The following SYN3 variants were observed in gnomAD, a reference collection of about 807,000 sequenced individuals.
The protein encoded by SYN3 is synapsin-3.
Under a neutral mutation model 65.8 loss-of-function variants are expected in SYN3, and 35 were observed. That is an observed-to-expected ratio of 0.53 (90% CI 0.41 to 0.70). The LOEUF is 0.70. Among genes scored for constraint, SYN3 ranks in the 30% least tolerant of loss-of-function variants. The pLI, the probability that SYN3 is intolerant of heterozygous loss-of-function variation, is 0.00. For missense variants in SYN3, 680 were observed against 749.0 expected, an observed-to-expected ratio of 0.91 and a Z score of 1.08; for synonymous variants, 270 against 292.9, an observed-to-expected ratio of 0.92 and a Z score of 0.80.
intron 6 of SYN3, among the ~76,000 whole-genome samples, chr22:32,778,581 C>G (rs9621561): frequency 0.036 from 5,444 of 152,198 alleles, 328 homozygotes; most frequent in African/African-American, 0.12. Context: ...TGTGAGCCAC[C>G]GCACCCGGCC....
At chr22:32,941,760 C>T (rs1005708124) in intron 3 of SYN3, among the ~76,000 whole-genome samples, 3 of 152,240 alleles carry the variant, frequency 2.0e-5, no homozygotes, top group Non-Finnish European at 4.4e-5. Flanking sequence ...TAATACTGTG[C>T]TTTTCCGAGG....
intron 4 of SYN3, among the ~76,000 whole-genome samples, chr22:32,872,394 T>C (rs1365115705): frequency 6.6e-6 from 1 of 152,190 alleles, no homozygotes; most frequent in Non-Finnish European, 1.5e-5. Flanking sequence ...ATAGACATAG[T>C]AGCCAGGAGA....
intron 6 of SYN3, among the ~76,000 whole-genome samples, chr22:32,816,233 G>A (rs1042985670): frequency 2.0e-5 from 3 of 152,136 alleles, no homozygotes; most frequent in African/African-American, 7.2e-5. Flanking sequence ...GAGGCCAGAG[G>A]ATTAACACTC....
At position 32,942,954 on chromosome 22, in the gene SYN3, C is replaced by A. The variant is rs188421216; in HGVS notation, c.370-11473G>T. ...AGAAATATGGGACTATGTGAAAAAA[C>A]CAAATCTACGTCTGACTGGTGTACC... On this transcript the variant is annotated intron_variant, in intron 3 of 13. Coordinates refer to ENST00000358763, the MANE Select transcript of SYN3 (RefSeq NM_003490.4). 3.9e-3 allele frequency among the ~76,000 whole-genome samples: 596 copies of A among 152,150 alleles called. 3 individuals carry two copies. The highest frequency in any genetic ancestry group is 0.014 in the African/African-American group (570 of 41,498).
intron 4 of SYN3, among the ~76,000 whole-genome samples, chr22:32,893,923 C>T (rs943111665): frequency 6.6e-5 from 10 of 152,130 alleles, no homozygotes; most frequent in African/African-American, 2.4e-5. Flanking sequence ...TTCCACCAAG[C>T]TGTGAGCTCA....
chr22:33,041,692 T>C (rs1341245199), intron 1 of SYN3, among the ~76,000 whole-genome samples: 1 of 152,176 alleles, frequency 6.6e-6, no homozygotes, highest in Non-Finnish European at 1.5e-5. Context: ...TTACCTGCCA[T>C]GCATGTCATG....
intron 3 of SYN3, among the ~76,000 whole-genome samples, chr22:32,955,100 C>T (rs1338304756): frequency 1.3e-5 from 2 of 152,008 alleles, no homozygotes; most frequent in African/African-American, 4.8e-5. Context: ...ATCTCATTTA[C>T]CCTCCATATG....
At chr22:32,675,066 T>C (rs759175809) in intron 6 of SYN3, among the ~76,000 whole-genome samples, 2 of 152,160 alleles carry the variant, frequency 1.3e-5, no homozygotes, top group African/African-American at 4.8e-5. Flanking sequence ...TTCCCTCTAG[T>C]CTGAGCTCTT....
chr22:32,780,197 C>A (rs371375727), intron 6 of SYN3, among the ~76,000 whole-genome samples: 1 of 152,144 alleles, frequency 6.6e-6, no homozygotes, highest in Non-Finnish European at 1.5e-5. Flanking sequence ...AAGCAGCTGC[C>A]AGCTCACTGG....
Position 32,935,448 on chromosome 22 carries a change from A to ATTT in SYN3, c.370-3970_370-3968dup, listed in dbSNP as rs137556. ...TGACCTCTAAGGCTTTTGGTATGGT[A>ATTT]TTTTTTTTTTTTTTTTTTTGAGATG... On this transcript the variant is annotated intron_variant, in intron 3 of 13. Coordinates refer to ENST00000358763, the MANE Select transcript of SYN3 (RefSeq NM_003490.4). 9.9e-3 allele frequency among the ~76,000 whole-genome samples: 1,223 copies of ATTT among 124,046 alleles called. 12 individuals carry two copies. The highest frequency in any genetic ancestry group is 0.035 in the Middle Eastern group (8 of 228). 81.4% of individuals were successfully genotyped at this position (124,046 alleles called of 152,430 possible).
At chr22:32,739,177 G>C (rs989953702) in intron 6 of SYN3, among the ~76,000 whole-genome samples, 3 of 150,766 alleles carry the variant, frequency 2.0e-5, no homozygotes, top group African/African-American at 2.4e-5. Context: ...GAATCACAGG[G>C]GGGGGGCGGT....
At chr22:32,882,003 C>T (rs9609648) in intron 4 of SYN3, among the ~76,000 whole-genome samples, 16,125 of 151,238 alleles carry the variant, frequency 0.11, 1,349 homozygotes, top group East Asian at 0.43. Flanking sequence ...TGCAGTGAGC[C>T]GAGATCATGC....
At chr22:32,964,583 T>C (rs1019375349) in intron 3 of SYN3, among the ~76,000 whole-genome samples, 2 of 152,174 alleles carry the variant, frequency 1.3e-5, no homozygotes, top group African/African-American at 2.4e-5. Context: ...ACACAGGTTA[T>C]GATCACAATT....
intron 6 of SYN3, among the ~76,000 whole-genome samples, chr22:32,832,133 A>G (rs186822568): frequency 6.6e-6 from 1 of 152,348 alleles, no homozygotes; most frequent in East Asian, 1.9e-4. Flanking sequence ...ACCCAGACAG[A>G]TCCCAGGCTG....
At chr22:33,010,564 TG>T (rs1334209997) in intron 1 of SYN3, among the ~76,000 whole-genome samples, 3 of 152,232 alleles carry the variant, frequency 2.0e-5, no homozygotes, top group Non-Finnish European at 4.4e-5. Flanking sequence ...TTGATTGCTA[TG>T]GCTTTCCAGA....
chr22:32,977,794 C>G (rs994980995), intron 3 of SYN3, among the ~76,000 whole-genome samples: 8 of 151,298 alleles, frequency 5.3e-5, no homozygotes, highest in African/African-American at 1.7e-4. Flanking sequence ...AACTGACAAG[C>G]AGCCTGGAAT....
At chr22:32,980,854 C>CT (rs36093480) in intron 2 of SYN3, 152 bp from the exon 3 acceptor site, 16,135 of 511,980 alleles carry the variant, frequency 0.032, no homozygotes, top group Non-Finnish European at 0.037. Flanking sequence ...TTTTCTCAGT[C>CT]TTTTTTTTTT....
chr22:32,760,517 C>T (rs1050331734), intron 6 of SYN3, among the ~76,000 whole-genome samples: 1 of 152,056 alleles, frequency 6.6e-6, no homozygotes, highest in Non-Finnish European at 1.5e-5. Flanking sequence ...GTGGACATTC[C>T]TTTTGGAGTG....
chr22:32,934,275 G>C (rs1202127188), intron 3 of SYN3, among the ~76,000 whole-genome samples: 1 of 152,156 alleles, frequency 6.6e-6, no homozygotes, highest in Non-Finnish European at 1.5e-5. Flanking sequence ...TTGGAAGATA[G>C]AATCTCTGAC....
Sources: gnomAD v4.1 joint callset for allele counts (sites outside exome capture counted in the v4.1 genomes callset) on GRCh38, gnomAD v4.1.1 for gene constraint, MANE v1.5 for transcripts, NCBI Gene and HGNC (gene_info 2026-07-23, HGNC 2026-07-21) for gene names.